MAP4K5: variants seen among roughly 807,000 people sequenced by gnomAD.
MAP4K5 encodes the protein MAPK/ERK kinase kinase kinase 5.
MAP4K5 carries 82 observed loss-of-function variants against 135.6 expected under a neutral mutation model. That is an observed-to-expected ratio of 0.60 (90% CI 0.51 to 0.73). The LOEUF (loss-of-function observed/expected upper bound fraction) is 0.73. MAP4K5 is among the 30% of genes least tolerant of loss of function. The pLI is 0.00. For missense variants in MAP4K5, 907 were observed against 1,010.9 expected (o/e 0.90, Z 1.39); for synonymous variants, 347 against 335.0 (o/e 1.04, Z -0.39).
Position 50,456,592 on chromosome 14 carries a change from G to A in MAP4K5, c.939C>T (p.Pro313=). ...YTEADDDDFE[P]HAIIRHTIRS... ...TAATGGTATGACGAATGATTGCATG[G>A]GGCTGTGAATATAAGCATAATATAT... Residue 313 remains proline, a splice_region_variant and synonymous_variant, in exon 14 of 33, where the codon CCC becomes CCT. Coordinates refer to ENST00000682126, the MANE Select transcript of MAP4K5 (RefSeq NM_006575.6). The A allele has an allele frequency of 6.4e-7, 1 of 1,563,030 alleles. No homozygotes were observed. The highest frequency in any genetic ancestry group is 8.7e-7 in the Non-Finnish European group (1 of 1,151,578).
chr14:50,508,503 G>A (rs1408481011), intron 2 of MAP4K5, among the ~76,000 whole-genome samples: 7 of 152,036 alleles, frequency 4.6e-5, no homozygotes, highest in Admixed American at 4.6e-4. Context: ...ACTCATAGGT[G>A]GGAATTGAAC....
At position 50,434,378 on chromosome 14, in the gene MAP4K5, G is replaced by A. The variant is rs777518061; in HGVS notation, c.2164+16C>T. On this transcript the variant is annotated intron_variant, in intron 28 of 32. Transcript: ENST00000682126. ...CAAAAATATCAATATTCTAACATAA[G>A]GTAAAAAATACTTACCTGCACCAAT... 6 of 1,573,952 alleles carry A rather than the reference G, an allele frequency of 3.8e-6. No homozygotes were observed. The Admixed American group carries it at 9.2e-5, about 24-fold the overall frequency.
At chr14:50,498,774 AC>A in intron 3 of MAP4K5, among the ~76,000 whole-genome samples, 1 of 152,214 alleles carries the variant, frequency 6.6e-6, no homozygotes, top group Non-Finnish European at 1.5e-5. Flanking sequence ...GTATTACCAG[AC>A]ATAAGTTTTT....
chr14:50,554,022 C>A (rs548961428), intron 1 of MAP4K5, among the ~76,000 whole-genome samples: 156 of 152,074 alleles, frequency 1.0e-3, no homozygotes, highest in Admixed American at 2.4e-3. Context: ...GTGACAGGTG[C>A]AGCAGAATCT....
intron 1 of MAP4K5, 120 bp from the exon 2 acceptor site, chr14:50,532,278 C>A: frequency 2.2e-6 from 1 of 458,654 alleles, no homozygotes. Context: ...GAGAAAGGGG[C>A]CTGGAAGGGC....
rs551539339 is a variant in MAP4K5 at position 50,485,065 on chromosome 14, A to G, written c.322+513T>C. Among the ~76,000 whole-genome samples the G allele has an allele frequency of 2.0e-3, 304 of 152,260 alleles. 1 individual carries two copies. The highest frequency in any genetic ancestry group is 3.8e-3 in the Non-Finnish European group (261 of 67,984). On this transcript the variant is annotated intron_variant, in intron 5 of 32. Transcript: ENST00000682126. ...AAAAGCTAAACAGTAGAGCCAAAAC[A>G]AAACTTTCTAAACAGTATTAGACTG...
At chr14:50,524,905 C>T (rs927074295) in intron 2 of MAP4K5, among the ~76,000 whole-genome samples, 1 of 152,182 alleles carries the variant, frequency 6.6e-6, no homozygotes, top group Non-Finnish European at 1.5e-5. Flanking sequence ...TTAGAGCAAA[C>T]AGGAACAAGA....
intron 23 of MAP4K5, among the ~76,000 whole-genome samples, chr14:50,439,540 A>G (rs2036177088): frequency 1.3e-5 from 2 of 152,216 alleles, no homozygotes; most frequent in East Asian, 3.9e-4. Flanking sequence ...AGCACTCTGG[A>G]TATTATCTCA....
intron 1 of MAP4K5, among the ~76,000 whole-genome samples, chr14:50,551,434 T>A (rs1471051758): frequency 6.6e-6 from 1 of 152,136 alleles, no homozygotes; most frequent in Non-Finnish European, 1.5e-5. Flanking sequence ...ACAGCCGAAT[T>A]GTATCAGACA....
rs796358191 is a variant in MAP4K5, at chr14:50,418,558, T to C, written c.*1461A>G. ...AACATTTTATTGTTTGCGTATTGCA[T>C]AGTGAAAAGAACAGAGTCAGAAGAC... is the stretch of plus-strand genomic sequence containing the variant. On this transcript the variant is annotated 3_prime_UTR_variant, in exon 33 of 33. Transcript: ENST00000682126. The C allele has an allele frequency of 2.6e-5, 4 of 152,652 alleles. No homozygotes were observed. The highest frequency in any genetic ancestry group is 4.4e-5 in the Non-Finnish European group (3 of 68,050). The allele number at this position is 152,652 out of a possible 1,614,324, so 9.5% of individuals were successfully genotyped here.
chr14:50,473,634 C>T (rs927916497), intron 9 of MAP4K5, among the ~76,000 whole-genome samples: 1 of 150,676 alleles, frequency 6.6e-6, no homozygotes, highest in African/African-American at 2.5e-5. Context: ...TCAGCATTTC[C>T]TTTTAAGGTT....
intron 9 of MAP4K5, among the ~76,000 whole-genome samples, chr14:50,473,884 C>T (rs10141082): frequency 0.64 from 97,174 of 151,796 alleles, 31,412 homozygotes; most frequent in East Asian, 0.75. Context: ...CCACGACGCC[C>T]GGCTAATTTT....
intron 6 of MAP4K5, among the ~76,000 whole-genome samples, chr14:50,481,715 A>G (rs901225174): frequency 2.6e-5 from 4 of 152,206 alleles, no homozygotes; most frequent in African/African-American, 9.6e-5. Flanking sequence ...CACATACTCT[A>G]TATCTTTATT....
chr14:50,499,168 G>T (rs892595090), intron 3 of MAP4K5, among the ~76,000 whole-genome samples: 1 of 151,478 alleles, frequency 6.6e-6, no homozygotes, highest in Non-Finnish European at 1.5e-5. Flanking sequence ...AAGATACGAA[G>T]AATTTGTTTT....
chr14:50,467,203 TG>T lies in MAP4K5; in HGVS notation c.675-559del, dbSNP rs556484294. ...GTGTGACCCATTTTCTTGTGGGCTA[TG>T]GGGGTAGTATGATAGAGGATTTAAG... On this transcript the variant is annotated intron_variant, in intron 10 of 32. Coordinates refer to ENST00000682126, the MANE Select transcript of MAP4K5 (RefSeq NM_006575.6). Among the ~76,000 whole-genome samples the T allele has an allele frequency of 5.9e-5, 9 of 152,234 alleles. No individual in the cohort carries two copies. In the South Asian group the frequency reaches 1.9e-3, roughly 32 times the overall value.
intron 5 of MAP4K5, 140 bp from the exon 6 acceptor site, chr14:50,482,556 A>AGT: frequency 1.8e-6 from 1 of 554,016 alleles, no homozygotes; most frequent in Non-Finnish European, 3.2e-6. Context: ...AGGCAGGCGG[A>AGT]TCACGAGGTC....
Position 50,440,404 on chromosome 14 carries a change from G to A in MAP4K5, c.1602C>T (p.Tyr534=). The change falls in exon 22 of 33, where the codon TAC becomes TAT. Residue 534 remains tyrosine (Y), a synonymous_variant. Coordinates refer to ENST00000682126, the MANE Select transcript of MAP4K5 (RefSeq NM_006575.6). ...YIIFGTEDGI[Y]TLNLNELHEA... ...CATGTAGCTCATTGAGATTCAGTGT[G>A]TAAATACCATCTTCAGTTCCAAAAA... 6.2e-7 allele frequency: 1 copy of A among 1,603,368 alleles called. No homozygotes were observed. The highest frequency in any genetic ancestry group is 8.5e-7 in the Non-Finnish European group (1 of 1,172,794).
chr14:50,551,562 G>A (rs1269291598), intron 1 of MAP4K5, among the ~76,000 whole-genome samples: 3 of 151,896 alleles, frequency 2.0e-5, no homozygotes, highest in Non-Finnish European at 4.4e-5. Context: ...ACCAGGAAAG[G>A]CCATAACAAA....
At chr14:50,545,809 C>A (rs1174783043) in intron 1 of MAP4K5, among the ~76,000 whole-genome samples, 1 of 152,100 alleles carries the variant, frequency 6.6e-6, no homozygotes, top group East Asian at 1.9e-4. Context: ...CAAAGGCATG[C>A]CAGGTTTTCT....
Sources: allele counts gnomAD v4.1 joint callset (sites outside exome capture counted in the v4.1 genomes callset), GRCh38; gene constraint gnomAD v4.1.1; transcripts MANE v1.5; gene names NCBI Gene and HGNC (gene_info 2026-07-23, HGNC 2026-07-21).